The following FRAS1 variants were observed in gnomAD, a reference collection of about 807,000 sequenced individuals.
FRAS1 encodes the protein extracellular matrix organizing protein FRAS1.
A neutral mutation model predicts 435.2 loss-of-function variants in FRAS1; 290 were observed. The ratio of observed to expected loss-of-function variants is 0.67; its 90% confidence interval spans 0.61 to 0.73. The LOEUF is 0.73. Ranked by LOEUF, FRAS1 falls within the 30% of genes least tolerant of loss-of-function variation. The probability of loss-of-function intolerance (pLI) is 0.00; values close to 1 mark genes in which losing one functional copy is unlikely to be tolerated. For missense variants in FRAS1, 4,860 were observed against 5,001.5 expected (o/e 0.97, Z 0.85); for synonymous variants, 1,800 against 1,851.0 (o/e 0.97, Z 0.71).
intron 22 of FRAS1, among the ~76,000 whole-genome samples, chr4:78,368,921 A>C (rs1025863621): frequency 1.3e-5 from 2 of 152,216 alleles, no homozygotes; most frequent in African/African-American, 4.8e-5. Context: ...AGGATTGAAA[A>C]ATGACATTGA....
rs566595838 is a variant in FRAS1, at chr4:78,421,902, G to C, written c.4580G>C (p.Arg1527Pro). The C allele has an allele frequency of 6.2e-7, 1 of 1,613,724 alleles. No homozygotes were observed. The highest frequency in any genetic ancestry group is 8.5e-7 in the Non-Finnish European group (1 of 1,179,766). The stretch of plus-strand genomic sequence containing the variant: ...CGGGACCACCCTCACTCTCCTATCC[G>C]GTATTTCACGCAAGAGGATATTAAC... ...EHRDHPHSPI[R>P]YFTQEDINQG... The change falls in exon 34 of 74, where the codon CGG becomes CCG. Residue 1527 changes from arginine (R) to proline (P), a missense_variant. Coordinates refer to ENST00000512123, the MANE Select transcript of FRAS1 (RefSeq NM_025074.7).
intron 2 of FRAS1, among the ~76,000 whole-genome samples, chr4:78,159,435 C>T (rs1721042949): frequency 6.6e-6 from 1 of 152,116 alleles, no homozygotes; most frequent in Non-Finnish European, 1.5e-5. Flanking sequence ...TTGCTATGGA[C>T]TGTATTCTGG....
chr4:78,194,143 T>C (rs918779855), intron 2 of FRAS1, among the ~76,000 whole-genome samples: 1 of 152,236 alleles, frequency 6.6e-6, no homozygotes, highest in African/African-American at 2.4e-5. Flanking sequence ...AGAGATCAGC[T>C]GTTAGTCTGA....
intron 58 of FRAS1, among the ~76,000 whole-genome samples, chr4:78,483,550 G>T (rs1057419415): frequency 3.3e-5 from 5 of 151,922 alleles, no homozygotes; most frequent in Non-Finnish European, 7.4e-5. Context: ...CTCAAAAGAG[G>T]AGCAAGAAGC....
At chr4:78,406,719 C>T (rs765614389) in intron 30 of FRAS1, among the ~76,000 whole-genome samples, 10 of 152,122 alleles carry the variant, frequency 6.6e-5, no homozygotes, top group South Asian at 2.1e-4. Context: ...TTTCTTTTTA[C>T]GAATGAGGAA....
intron 42 of FRAS1, chr4:78,446,249 C>T (rs2109831698): frequency 1.0e-6 from 1 of 1,001,700 alleles, no homozygotes; most frequent in Middle Eastern, 5.1e-4. Flanking sequence ...AAAGAACCCT[C>T]TGCACTCTTA....
At position 78,442,539 on chromosome 4, in the gene FRAS1, T is replaced by C. The variant is rs559649675; in HGVS notation, c.5665+1242T>C. On this transcript the variant is annotated intron_variant, in intron 41 of 73. Transcript: ENST00000512123. ...GAAGCTCATAGGCAAAGGTGAGAAA[T>C]GAAAGGATATCTACCCCAAACACCC... 5.0e-4 allele frequency among the ~76,000 whole-genome samples: 76 copies of C among 152,234 alleles called. 2 individuals are homozygous for C. The South Asian group carries it at 0.015, about 31-fold the overall frequency.
intron 29 of FRAS1, among the ~76,000 whole-genome samples, chr4:78,395,265 T>G (rs7698873): frequency 0.14 from 21,195 of 151,990 alleles, 1,863 homozygotes; most frequent in African/African-American, 0.25. Context: ...TTAAGACATC[T>G]TTTGTGGCTT....
chr4:78,508,803 G>T lies in FRAS1; in HGVS notation c.9577G>T (p.Gly3193Cys). Reference sequence around the variant, plus strand: ...AGGAGTCAAGAAATCCCCCTCCCCAGGCTACCCACTGGTCTGTGTCACCCC... The same window carrying T: ...AGGAGTCAAGAAATCCCCCTCCCCATGCTACCCACTGGTCTGTGTCACCCC... ...KEGVKKSPSP[G>C]YPLVCVTPCD... The change falls in exon 63 of 74, where the codon GGC (glycine) becomes TGC (cysteine). Residue 3193 changes from glycine to cysteine, a missense_variant. Physicochemically the swap from Gly to Cys is radical, Grantham distance 159. Transcript: ENST00000512123. The T allele has an allele frequency of 1.2e-6, 2 of 1,613,628 alleles. No homozygotes were observed. Among genetic ancestry groups the T allele is most frequent in the Non-Finnish European group, 1.7e-6 (2 of 1,179,764 alleles).
chr4:78,367,197 G>A (rs968568270), intron 22 of FRAS1, among the ~76,000 whole-genome samples: 2 of 152,084 alleles, frequency 1.3e-5, no homozygotes, highest in Non-Finnish European at 2.9e-5. Flanking sequence ...TTGAGGCCAG[G>A]AGTTTGAGAC....
chr4:78,273,557 A>C (rs1044559598), intron 9 of FRAS1, among the ~76,000 whole-genome samples: 2 of 152,342 alleles, frequency 1.3e-5, no homozygotes, highest in African/African-American at 4.8e-5. Flanking sequence ...CGTTTTCTGC[A>C]TCTATTGAGA....
At chr4:78,136,895 A>G (rs185963092) in intron 2 of FRAS1, among the ~76,000 whole-genome samples, 2 of 152,326 alleles carry the variant, frequency 1.3e-5, no homozygotes, top group Non-Finnish European at 2.9e-5. Context: ...TACTTTTGGC[A>G]TACCTACTGT....
intron 2 of FRAS1, among the ~76,000 whole-genome samples, chr4:78,129,432 G>T (rs530079528): frequency 6.6e-6 from 1 of 152,144 alleles, no homozygotes. Context: ...TACTGAATTG[G>T]GTATATTGTG....
In FRAS1 at chr4:78,267,277, G is replaced by C; in HGVS notation, c.826G>C (p.Glu276Gln). Residue 276 changes from glutamate (E) to glutamine (Q), a missense_variant, in exon 9 of 74, where the codon GAG becomes CAG. Physicochemically the swap from Glu to Gln is conservative, Grantham distance 29. Transcript: ENST00000512123. Reference protein sequence around the residue: ...SRARRHGQCCEECVSPAGSCS... With the variant: ...SRARRHGQCCQECVSPAGSCS... ...GGCTCGGCGTCATGGGCAATGCTGT[G>C]AGGAATGTGTGTCTCCTGCCGGGAG... 1 of 1,613,806 alleles carries C rather than the reference G, an allele frequency of 6.2e-7. No individual in the cohort carries two copies. The highest frequency in any genetic ancestry group is 8.5e-7 in the Non-Finnish European group (1 of 1,179,824).
chr4:78,482,947 C>T (rs1206264736), intron 58 of FRAS1, among the ~76,000 whole-genome samples: 2 of 152,198 alleles, frequency 1.3e-5, no homozygotes, highest in African/African-American at 2.4e-5. Context: ...TATATTTAAG[C>T]AGAGTCTTCA....
chr4:78,232,852 T>G (rs1265886727), intron 2 of FRAS1, among the ~76,000 whole-genome samples: 3 of 152,202 alleles, frequency 2.0e-5, no homozygotes, highest in Non-Finnish European at 4.4e-5. Context: ...AATTTTGAGA[T>G]ATACAAAGAG....
rs529840257 is a variant in FRAS1 at position 78,087,335 on chromosome 4, A to T, written c.108+21319A>T. 8.5e-4 allele frequency among the ~76,000 whole-genome samples: 129 copies of T among 152,136 alleles called. 1 individual carries two copies. Among genetic ancestry groups the T allele is most frequent in the African/African-American group, 3.0e-3 (124 of 41,428 alleles). ...CCAATATCATACTGAATGGACAAAA[A>T]TTGGAAGCATTCCCTTTGAAAACTG... On this transcript the variant is annotated intron_variant, in intron 2 of 73. Coordinates refer to ENST00000512123, the MANE Select transcript of FRAS1 (RefSeq NM_025074.7).
chr4:78,102,886 G>C (rs960879310), intron 2 of FRAS1, among the ~76,000 whole-genome samples: 9 of 152,288 alleles, frequency 5.9e-5, no homozygotes, highest in Admixed American at 5.9e-4. Context: ...CTCTAGATTT[G>C]TATCTTATAG....
intron 38 of FRAS1, among the ~76,000 whole-genome samples, chr4:78,436,375 G>A (rs1734429287): frequency 6.6e-6 from 1 of 152,176 alleles, no homozygotes; most frequent in South Asian, 2.1e-4. Context: ...GCTGGTGGGA[G>A]CGTAAACTGG....
Sources: allele counts gnomAD v4.1 joint callset (sites outside exome capture counted in the v4.1 genomes callset), GRCh38; gene constraint gnomAD v4.1.1; transcripts MANE v1.5; gene names NCBI Gene and HGNC (gene_info 2026-07-23, HGNC 2026-07-21).